ORC5: variants seen among roughly 807,000 people sequenced by gnomAD.
ORC5 encodes protein phosphatase 1, regulatory subunit 117.
Under a neutral mutation model 58.8 loss-of-function variants are expected in ORC5, and 39 were observed. That is an observed-to-expected ratio of 0.66 (90% CI 0.51 to 0.87). ORC5 has a LOEUF of 0.87. ORC5 is among the 40% of genes least tolerant of loss of function. The pLI, the probability that ORC5 is intolerant of heterozygous loss-of-function variation, is 0.00. For synonymous variants in ORC5, 218 were observed against 177.6 expected (o/e 1.23, Z -1.81); for missense variants, 493 against 506.3 (o/e 0.97, Z 0.25).
In ORC5 at chr7:104,148,393, AT is replaced by A. The variant is rs374366953; in HGVS notation, c.1150-11501del. Among the ~76,000 whole-genome samples, 197 of 152,330 alleles carry A rather than the reference AT, an allele frequency of 1.3e-3. 1 individual carries two copies. Among genetic ancestry groups the A allele is most frequent in the Non-Finnish European group, 2.3e-3 (158 of 68,024 alleles). On this transcript the variant is annotated intron_variant, in intron 12 of 13. Coordinates refer to ENST00000297431, the MANE Select transcript of ORC5 (RefSeq NM_002553.4). ...GAAGGAAATGACTACTCCACCTTGC[AT>A]TCTACAGTGAAGGCAATAACTATTA...
rs751995212 is a variant in ORC5 at position 104,136,905 on chromosome 7, C to T, written c.1150-12G>A. On this transcript the variant is annotated splice_polypyrimidine_tract_variant and intron_variant, in intron 12 of 13. Coordinates refer to ENST00000297431, the MANE Select transcript of ORC5 (RefSeq NM_002553.4). The surrounding 1 kb of genome is among the most constrained non-coding windows in gnomAD (Gnocchi z 4.2). ...ACTAGAGAGGTAATCTAAAAGAGAA[C>T]ATTTTTATAAGAAACTGTTTTAATA... 17 of 1,550,710 alleles carry T rather than the reference C, an allele frequency of 1.1e-5. No individual in the cohort carries two copies. The highest frequency in any genetic ancestry group is 9.0e-5 in the East Asian group (4 of 44,516).
intron 12 of ORC5, among the ~76,000 whole-genome samples, chr7:104,144,016 G>C (rs1798715569): frequency 2.0e-5 from 3 of 152,266 alleles, no homozygotes; most frequent in African/African-American, 7.2e-5. Context: ...CTACTTGGGA[G>C]GTTGAGGCAT....
At position 104,200,760 on chromosome 7, in the gene ORC5, T is replaced by C. The variant is rs1417794935; in HGVS notation, c.364A>G (p.Ile122Val). ...AENLKDQTVYIVLDKAEYLRD... is the reference protein window; with the variant it reads ...AENLKDQTVYVVLDKAEYLRD... Reference sequence around the variant, plus strand: ...TCTAATCAAATGAAATTACTTACAATATATACAGTCTGATCTTTAAGATTT... The same window carrying C: ...TCTAATCAAATGAAATTACTTACAACATATACAGTCTGATCTTTAAGATTT... Residue 122 changes from isoleucine to valine, a missense_variant and splice_region_variant, in exon 3 of 14, where the codon ATT becomes GTT. Physicochemically the swap from Ile to Val is conservative, Grantham distance 29. Coordinates refer to ENST00000297431, the MANE Select transcript of ORC5 (RefSeq NM_002553.4). 1 of 1,548,952 alleles carries C rather than the reference T, an allele frequency of 6.5e-7. No homozygotes were observed. Among genetic ancestry groups the C allele is most frequent in the Non-Finnish European group, 8.9e-7 (1 of 1,122,700 alleles).
Position 104,195,216 on chromosome 7 carries a change from A to T in ORC5, c.480T>A (p.Ile160=). ...RNVTVLFLSE[I]VWEKFRPNTG... ...TATTTGGACGAAACTTTTCCCAAAC[A>T]ATTTCACTGAGAAAGAGAACAGTCA... The change falls in exon 5 of 14, where the codon ATT becomes ATA. Residue 160 remains isoleucine, a synonymous_variant. Coordinates refer to ENST00000297431, the MANE Select transcript of ORC5 (RefSeq NM_002553.4). The T allele has an allele frequency of 6.4e-7, 1 of 1,573,640 alleles. No individual in the cohort carries two copies. Among genetic ancestry groups the T allele is most frequent in the Non-Finnish European group, 8.6e-7 (1 of 1,165,648 alleles).
At chr7:104,184,564 G>A (rs1799503586) in intron 6 of ORC5, 1 of 166,870 alleles carries the variant, frequency 6.0e-6, no homozygotes, top group Admixed American at 6.0e-5. Flanking sequence ...GCTAAATTCT[G>A]CCTAATACAT....
chr7:104,198,055 C>T (rs1799844542), intron 3 of ORC5, among the ~76,000 whole-genome samples: 1 of 152,204 alleles, frequency 6.6e-6, no homozygotes, highest in African/African-American at 2.4e-5. Context: ...CCACCTCTTG[C>T]TCTCACTCTC....
chr7:104,131,332 G>A (rs1026785644), intron 13 of ORC5, among the ~76,000 whole-genome samples: 2 of 151,976 alleles, frequency 1.3e-5, no homozygotes, highest in African/African-American at 4.8e-5. Flanking sequence ...TTGTTATAAC[G>A]CAAGAAGATT....
At chr7:104,183,587 AC>A (rs1458837495) in intron 8 of ORC5, among the ~76,000 whole-genome samples, 2 of 152,194 alleles carry the variant, frequency 1.3e-5, no homozygotes, top group Non-Finnish European at 2.9e-5. Flanking sequence ...AAAAAACATA[AC>A]CTTGTATAAA....
chr7:104,139,621 T>C (rs1798641714), intron 12 of ORC5, among the ~76,000 whole-genome samples: 1 of 152,114 alleles, frequency 6.6e-6, no homozygotes, highest in African/African-American at 2.4e-5. Context: ...AAAAGCAATT[T>C]ATATTAATAC....
chr7:104,178,201 T>C (rs555695582), intron 8 of ORC5, among the ~76,000 whole-genome samples: 11 of 152,318 alleles, frequency 7.2e-5, no homozygotes, highest in African/African-American at 2.6e-4. Context: ...TGTAAAAGCA[T>C]TCCTATTTCT....
intron 2 of ORC5, among the ~76,000 whole-genome samples, chr7:104,203,282 T>C (rs1052781455): frequency 2.6e-5 from 4 of 152,218 alleles, no homozygotes; most frequent in Non-Finnish European, 5.9e-5. Context: ...TTTTTGTACA[T>C]ACTGTTGCTT....
rs1798625000 is a variant in ORC5, at chr7:104,138,496, T to C, written c.1150-1603A>G. Among the ~76,000 whole-genome samples, 1 of 151,934 alleles carries C rather than the reference T, an allele frequency of 6.6e-6. No homozygotes were observed. Among genetic ancestry groups the C allele is most frequent in the Non-Finnish European group, 1.5e-5 (1 of 67,972 alleles). On this transcript the variant is annotated intron_variant, in intron 12 of 13. Coordinates refer to ENST00000297431, the MANE Select transcript of ORC5 (RefSeq NM_002553.4). The surrounding 1 kb of genome is among the most constrained non-coding windows in gnomAD (Gnocchi z 4.7). Reference sequence around the variant, plus strand: ...TGGGCTTAGTCTTGGTTTAAAACTTTCTTTCCTTCTTTTCTTTCTTTTTTT... The same window carrying C: ...TGGGCTTAGTCTTGGTTTAAAACTTCCTTTCCTTCTTTTCTTTCTTTTTTT...
intron 12 of ORC5, among the ~76,000 whole-genome samples, chr7:104,144,750 C>T (rs1438172991): frequency 6.6e-6 from 1 of 152,186 alleles, no homozygotes; most frequent in African/African-American, 2.4e-5. Flanking sequence ...GAACGAGACA[C>T]CGTCTCACAA....
chr7:104,206,332 C>T (rs1012869843), intron 1 of ORC5, among the ~76,000 whole-genome samples: 2 of 152,116 alleles, frequency 1.3e-5, no homozygotes, highest in Middle Eastern at 3.2e-3. Context: ...ATGCACAGCA[C>T]CTTGCAGAAA....
intron 12 of ORC5, among the ~76,000 whole-genome samples, chr7:104,153,306 A>C (rs892017878): frequency 3.9e-5 from 6 of 152,198 alleles, no homozygotes; most frequent in African/African-American, 1.4e-4. Context: ...CACCAGGGGT[A>C]GTAGGAGATT....
intron 8 of ORC5, among the ~76,000 whole-genome samples, chr7:104,181,684 C>T (rs62485910): frequency 0.42 from 63,818 of 150,770 alleles, 15,768 homozygotes; most frequent in Non-Finnish European, 0.57. Context: ...CCTAGCTACT[C>T]GGGAAGCTGA....
chr7:104,168,141 A>ATAT, intron 9 of ORC5: 1 of 430,386 alleles, frequency 2.3e-6, no homozygotes, highest in South Asian at 9.7e-5. Context: ...TATTCCATAA[A>ATAT]ACTCATGAAA....
At chr7:104,192,200 G>A (rs999877999) in intron 5 of ORC5, among the ~76,000 whole-genome samples, 4 of 152,098 alleles carry the variant, frequency 2.6e-5, no homozygotes, top group Non-Finnish European at 4.4e-5. Flanking sequence ...AGTACCTGAG[G>A]GGAGGAAGCT....
At chr7:104,172,468 G>C (rs1799230630) in intron 8 of ORC5, among the ~76,000 whole-genome samples, 1 of 152,034 alleles carries the variant, frequency 6.6e-6, no homozygotes, top group Admixed American at 6.6e-5. Flanking sequence ...TGAATTATAG[G>C]CTAATCAGTT....
Sources: allele counts gnomAD v4.1 joint callset (sites outside exome capture counted in the v4.1 genomes callset), GRCh38; gene constraint gnomAD v4.1.1; non-coding constraint Gnocchi (gnomAD v3.1); transcripts MANE v1.5; gene names NCBI Gene and HGNC (gene_info 2026-07-23, HGNC 2026-07-21).